Variants in ZC3H6 observed in about 807,000 individuals in gnomAD.
The protein encoded by ZC3H6 is zinc finger CCCH-type containing 6, also known as zinc finger CCCH domain-containing protein 6.
ZC3H6 carries 40 observed loss-of-function variants against 107.7 expected under a neutral mutation model. The ratio of observed to expected loss-of-function variants is 0.37; its 90% CI spans 0.29 to 0.48. The LOEUF is 0.48. Ranked by LOEUF, ZC3H6 falls within the 20% of genes least tolerant of loss-of-function variation. The probability of loss-of-function intolerance (pLI) is 0.98; values close to 1 mark genes in which losing one functional copy is unlikely to be tolerated. For synonymous variants in ZC3H6, 493 were observed against 487.9 expected, an observed-to-expected ratio of 1.01 and a Z score of -0.14; for missense variants, 1,267 against 1,410.4, an observed-to-expected ratio of 0.90 and a Z score of 1.63.
intron 10 of ZC3H6, 100 bp downstream of exon 10, chr2:112,324,763 T>A: frequency 8.0e-7 from 1 of 1,257,470 alleles, no homozygotes; most frequent in Non-Finnish European, 1.1e-6. Context: ...TAAAGCTGAG[T>A]AAAATTGATA....
At chr2:112,289,198 G>T (rs1472010054) in intron 1 of ZC3H6, among the ~76,000 whole-genome samples, 2 of 151,590 alleles carry the variant, frequency 1.3e-5, no homozygotes, top group African/African-American at 2.4e-5. Flanking sequence ...TAGAGACGGG[G>T]TTTCACCATG....
At chr2:112,293,186 A>C (rs1397507412) in intron 1 of ZC3H6, among the ~76,000 whole-genome samples, 1 of 152,216 alleles carries the variant, frequency 6.6e-6, no homozygotes, top group Non-Finnish European at 1.5e-5. Flanking sequence ...TCATAGGACT[A>C]TGGAGGCCAT....
In ZC3H6 at chr2:112,331,379, G is replaced by C; in HGVS notation, c.2461G>C (p.Gly821Arg). 1.2e-6 allele frequency: 2 copies of C among 1,613,702 alleles called. No homozygotes were observed. The highest frequency in any genetic ancestry group is 2.2e-5 in the South Asian group (2 of 91,046). ...NAGTNVKHKR[G>R]DDDDEDTERE... ...TGGCACTAATGTCAAACACAAAAGA[G>C]GCGATGATGATGATGAAGATACAGA... The change falls in exon 12 of 12, where the codon GGC becomes CGC. Residue 821 changes from glycine (G) to arginine (R), a missense_variant. Coordinates refer to ENST00000409871, the MANE Select transcript of ZC3H6 (RefSeq NM_198581.3).
At chr2:112,324,909 C>G in intron 10 of ZC3H6, 55 bp from the exon 11 acceptor site, 1 of 1,460,638 alleles carries the variant, frequency 6.8e-7, no homozygotes, top group Non-Finnish European at 9.4e-7. Flanking sequence ...TTTCTTATGA[C>G]TGGTGAAGTT....
chr2:112,322,345 C>T (rs982839513), intron 8 of ZC3H6, among the ~76,000 whole-genome samples: 15 of 151,864 alleles, frequency 9.9e-5, no homozygotes, highest in Non-Finnish European at 1.6e-4. Context: ...GCACCGCCCC[C>T]CACCCCTGCC....
intron 1 of ZC3H6, among the ~76,000 whole-genome samples, chr2:112,296,641 C>G (rs1238097135): frequency 6.6e-6 from 1 of 152,164 alleles, no homozygotes; most frequent in Non-Finnish European, 1.5e-5. Context: ...AATATTACCT[C>G]TCTGATTTTA....
In ZC3H6 at chr2:112,310,032, G is replaced by A. The variant is rs775332823; in HGVS notation, c.484G>A (p.Glu162Lys). ...TGACAACTTTGGTAACTACGGTCAG[G>A]AAACAGAGGAAGATTTTGCCAATCA... The part of the protein sequence containing the change: ...SDDNFGNYGQ[E>K]TEEDFANQLK... The change falls in exon 4 of 12, where the codon GAA becomes AAA. Residue 162 changes from glutamate (E) to lysine (K), a missense_variant. Glu to Lys is a moderately conservative substitution (Grantham distance 56). This residue lies in a region of ZC3H6 where 337 missense variants were observed against 361.2 expected (regional missense o/e 0.93). Coordinates refer to ENST00000409871, the MANE Select transcript of ZC3H6 (RefSeq NM_198581.3). 2 of 1,613,460 alleles carry A rather than the reference G, an allele frequency of 1.2e-6. No homozygotes were observed. Among genetic ancestry groups the A allele is most frequent in the Admixed American group, 3.3e-5 (2 of 59,950 alleles).
At position 112,309,039 on chromosome 2, in the gene ZC3H6, C is replaced by T. The variant is rs542223181; in HGVS notation, c.337-846C>T. On this transcript the variant is annotated intron_variant, in intron 3 of 11. Transcript: ENST00000409871. ...TGCACTCCAGCCTGGGCAACAAGAGCGAGACTCTGTCTCAAAAGAAATAAA... is the reference window on the plus strand; with the variant it reads ...TGCACTCCAGCCTGGGCAACAAGAGTGAGACTCTGTCTCAAAAGAAATAAA... Among the ~76,000 whole-genome samples the T allele has an allele frequency of 4.0e-5, 6 of 151,868 alleles. 1 individual carries two copies. Among genetic ancestry groups the T allele is most frequent in the South Asian group, 4.2e-4 (2 of 4,802 alleles).
chr2:112,319,665 A>G (rs765458745), intron 7 of ZC3H6, among the ~76,000 whole-genome samples: 6 of 152,048 alleles, frequency 3.9e-5, no homozygotes, highest in Non-Finnish European at 8.8e-5. Context: ...AAGGAAAGAA[A>G]CAATAGTCCT....
chr2:112,298,613 A>C (rs1244215873), intron 1 of ZC3H6, among the ~76,000 whole-genome samples: 1 of 151,714 alleles, frequency 6.6e-6, no homozygotes, highest in Non-Finnish European at 1.5e-5. Context: ...CTTCATGCTT[A>C]AAAATGCTTA....
Position 112,331,815 on chromosome 2 carries a change from A to C in ZC3H6, c.2897A>C (p.Gln966Pro). The C allele has an allele frequency of 6.2e-7, 1 of 1,613,720 alleles. No individual in the cohort carries two copies. ...SGAKLGDPRL[Q>P]KNFDPRLHRL... ...GCTAAATTAGGAGATCCTAGACTACAAAAAAATTTTGATCCTAGGCTTCAC... is the reference window on the plus strand; with the variant it reads ...GCTAAATTAGGAGATCCTAGACTACCAAAAAATTTTGATCCTAGGCTTCAC... The change falls in exon 12 of 12, where the codon CAA becomes CCA. Residue 966 changes from glutamine to proline, a missense_variant. Physicochemically the swap from Gln to Pro is moderately conservative, Grantham distance 76 (BLOSUM62 -1). Coordinates refer to ENST00000409871, the MANE Select transcript of ZC3H6 (RefSeq NM_198581.3).
At chr2:112,299,259 A>C (rs1676309087) in intron 1 of ZC3H6, among the ~76,000 whole-genome samples, 1 of 146,890 alleles carries the variant, frequency 6.8e-6, no homozygotes, top group Non-Finnish European at 1.5e-5. Context: ...CCTGGGCGTC[A>C]GAGTGAGACT....
At chr2:112,312,714 G>T (rs1006588735) in intron 5 of ZC3H6, among the ~76,000 whole-genome samples, 16 of 152,066 alleles carry the variant, frequency 1.1e-4, no homozygotes, top group Admixed American at 6.5e-4. Flanking sequence ...ACAAGAATTT[G>T]TCGGATGTGG....
At chr2:112,311,051 A>T (rs945148303) in intron 4 of ZC3H6, among the ~76,000 whole-genome samples, 2 of 152,354 alleles carry the variant, frequency 1.3e-5, no homozygotes, top group East Asian at 3.9e-4. Context: ...CCACTTGGAC[A>T]ATAAGGGTAA....
At chr2:112,279,584 G>GTAC (rs1456300094) in intron 1 of ZC3H6, among the ~76,000 whole-genome samples, 2 of 151,952 alleles carry the variant, frequency 1.3e-5, no homozygotes, top group African/African-American at 2.4e-5. Flanking sequence ...TTTCTGTCCT[G>GTAC]TACTACAAGA....
chr2:112,284,125 C>G (rs1263573945), intron 1 of ZC3H6, among the ~76,000 whole-genome samples: 2 of 152,186 alleles, frequency 1.3e-5, no homozygotes, highest in Non-Finnish European at 2.9e-5. Context: ...TGGCAGTTAA[C>G]AATAAAATGT....
chr2:112,276,098 G>T (rs1264173395), intron 1 of ZC3H6, 72 bp downstream of exon 1: 3 of 1,435,478 alleles, frequency 2.1e-6, no homozygotes, highest in African/African-American at 2.9e-5. Flanking sequence ...GCGGGCCGGG[G>T]CCGGGCGCCT....
At position 112,310,597 on chromosome 2, in the gene ZC3H6, T is replaced by A. The variant is rs72943965; in HGVS notation, c.613+436T>A. 3.6e-3 allele frequency among the ~76,000 whole-genome samples: 545 copies of A among 152,298 alleles called. 3 individuals carry two copies. The highest frequency in any genetic ancestry group is 0.012 in the African/African-American group (506 of 41,570). On this transcript the variant is annotated intron_variant, in intron 4 of 11. Coordinates refer to ENST00000409871, the MANE Select transcript of ZC3H6 (RefSeq NM_198581.3). ...TCTTTTAAAATTGGAGATAAAAACATAATCTAAAGACATTTCTGCACTGAT... is the reference window on the plus strand; with the variant it reads ...TCTTTTAAAATTGGAGATAAAAACAAAATCTAAAGACATTTCTGCACTGAT...
chr2:112,276,114 A>G, intron 1 of ZC3H6, 88 bp downstream of exon 1: 1 of 1,246,808 alleles, frequency 8.0e-7, no homozygotes, highest in Non-Finnish European at 1.1e-6. Flanking sequence ...CGCCTCCTGC[A>G]TGACCTAGAC....
Sources: gnomAD v4.1 joint callset for allele counts (sites outside exome capture counted in the v4.1 genomes callset) on GRCh38, gnomAD v4.1.1 for gene constraint, gnomAD v4.1.1 regional missense constraint, MANE v1.5 for transcripts, NCBI Gene and HGNC (gene_info 2026-07-23, HGNC 2026-07-21) for gene names.